NKAIN2: variants seen among roughly 807,000 people sequenced by gnomAD.
NKAIN2 encodes sodium/potassium transporting ATPase interacting 2.
In NKAIN2, 14 loss-of-function variants were observed where a neutral mutation model predicts 32.6. That is an observed-to-expected ratio of 0.43 (90% CI 0.28 to 0.67). NKAIN2 has a LOEUF of 0.67. NKAIN2 is among the 30% of genes least tolerant of loss of function. NKAIN2 has a pLI of 0.17. For missense variants in NKAIN2, 198 were observed against 258.3 expected (o/e 0.77, Z 1.60); for synonymous variants, 80 against 87.2 (o/e 0.92, Z 0.46).
chr6:124,072,509 A>T (rs1783508682), intron 1 of NKAIN2, among the ~76,000 whole-genome samples: 1 of 152,146 alleles, frequency 6.6e-6, no homozygotes, highest in Non-Finnish European at 1.5e-5. Flanking sequence ...TAAAAAGAAA[A>T]GAAATTTCAT....
intron 1 of NKAIN2, among the ~76,000 whole-genome samples, chr6:124,229,563 G>GACAGACAGACAA (rs1472525638): frequency 2.3e-4 from 35 of 151,722 alleles, no homozygotes; most frequent in African/African-American, 8.5e-4. Flanking sequence ...CAGACAGACA[G>GACAGACAGACAA]GGTTTGGCTC....
At chr6:124,814,598 C>G (rs920117960) in intron 5 of NKAIN2, among the ~76,000 whole-genome samples, 1 of 152,126 alleles carries the variant, frequency 6.6e-6, no homozygotes, top group Non-Finnish European at 1.5e-5. Context: ...TCTACCTACA[C>G]AGCATACAGA....
chr6:124,443,036 T>A (rs1457868505), intron 3 of NKAIN2, among the ~76,000 whole-genome samples: 2 of 152,094 alleles, frequency 1.3e-5, no homozygotes, highest in Admixed American at 6.6e-5. Context: ...CTCAGAAGAT[T>A]GTGTAGCCTA....
At chr6:124,263,381 G>A (rs553164358) in intron 1 of NKAIN2, among the ~76,000 whole-genome samples, 60 of 152,252 alleles carry the variant, frequency 3.9e-4, no homozygotes, top group African/African-American at 1.4e-3. Flanking sequence ...CAGGGCATCC[G>A]TAGAAAACGA....
At chr6:124,323,919 C>G (rs1797309887) in intron 2 of NKAIN2, among the ~76,000 whole-genome samples, 1 of 151,740 alleles carries the variant, frequency 6.6e-6, no homozygotes, top group African/African-American at 2.4e-5. Context: ...TCCCGAGGAG[C>G]TGGGACTACA....
intron 4 of NKAIN2, among the ~76,000 whole-genome samples, chr6:124,706,873 G>T (rs866758001): frequency 1.3e-5 from 2 of 151,752 alleles, no homozygotes; most frequent in African/African-American, 4.8e-5. Context: ...TAAGTTTTAG[G>T]GTACATGTAC....
chr6:124,031,912 G>C (rs1005743503), intron 1 of NKAIN2, among the ~76,000 whole-genome samples: 1 of 151,928 alleles, frequency 6.6e-6, no homozygotes. Flanking sequence ...TCCCATTACC[G>C]GGTATATACC....
intron 3 of NKAIN2, among the ~76,000 whole-genome samples, chr6:124,655,377 G>T (rs1351839503): frequency 6.6e-6 from 1 of 151,852 alleles, no homozygotes; most frequent in African/African-American, 2.4e-5. Context: ...TGTTTTAATG[G>T]TATATGTTTG....
At chr6:123,929,376 A>G (rs1220549100) in intron 1 of NKAIN2, among the ~76,000 whole-genome samples, 1 of 152,100 alleles carries the variant, frequency 6.6e-6, no homozygotes, top group Non-Finnish European at 1.5e-5. Context: ...ACAGAGGAGA[A>G]AGAAGATTTG....
intron 1 of NKAIN2, among the ~76,000 whole-genome samples, chr6:124,064,939 C>G (rs1002481368): frequency 1.3e-5 from 2 of 152,184 alleles, no homozygotes; most frequent in East Asian, 3.9e-4. Context: ...TATCTCTGGG[C>G]TTGAATCTGG....
At chr6:124,512,375 AT>A (rs1431438065) in intron 3 of NKAIN2, among the ~76,000 whole-genome samples, 2 of 152,148 alleles carry the variant, frequency 1.3e-5, no homozygotes, top group Non-Finnish European at 2.9e-5. Context: ...AGTAGATGTC[AT>A]TTATGTTTCA....
intron 1 of NKAIN2, among the ~76,000 whole-genome samples, chr6:124,074,220 G>T (rs1783589788): frequency 6.6e-6 from 1 of 152,116 alleles, no homozygotes; most frequent in Admixed American, 6.6e-5. Context: ...AGCGTTCAGG[G>T]TTTTTTAAAT....
intron 2 of NKAIN2, among the ~76,000 whole-genome samples, chr6:124,315,547 T>C (rs1287320943): frequency 6.6e-6 from 1 of 152,144 alleles, no homozygotes; most frequent in Non-Finnish European, 1.5e-5. Context: ...TCTTTTCTAG[T>C]TTCTAGAGAA....
chr6:124,245,685 C>A (rs758323590), intron 1 of NKAIN2, among the ~76,000 whole-genome samples: 1 of 151,984 alleles, frequency 6.6e-6, no homozygotes, highest in African/African-American at 2.4e-5. Context: ...AGGAGTTGGA[C>A]GAACATTCTA....
At chr6:124,637,737 A>G (rs533655759) in intron 3 of NKAIN2, among the ~76,000 whole-genome samples, 4 of 152,220 alleles carry the variant, frequency 2.6e-5, no homozygotes, top group African/African-American at 9.6e-5. Flanking sequence ...TGAAACAGTA[A>G]AACACCGATT....
intron 3 of NKAIN2, among the ~76,000 whole-genome samples, chr6:124,474,118 A>C (rs75179587): frequency 1.5e-5 from 2 of 135,440 alleles, no homozygotes; most frequent in Non-Finnish European, 3.2e-5. Context: ...TTTTTTTTTT[A>C]AGAGACAGGT....
intron 3 of NKAIN2, among the ~76,000 whole-genome samples, chr6:124,420,844 A>C (rs1375721243): frequency 6.6e-6 from 1 of 152,042 alleles, no homozygotes; most frequent in African/African-American, 2.4e-5. Flanking sequence ...TTTAATACTC[A>C]GGATAAAATT....
chr6:124,221,833 T>C (rs1291115869), intron 1 of NKAIN2, among the ~76,000 whole-genome samples: 2 of 152,198 alleles, frequency 1.3e-5, no homozygotes, highest in Non-Finnish European at 2.9e-5. Flanking sequence ...ACTATACTTA[T>C]TTAAAATTCA....
chr6:124,267,539 G>A (rs149278866), intron 1 of NKAIN2, among the ~76,000 whole-genome samples: 331 of 150,558 alleles, frequency 2.2e-3, no homozygotes, highest in African/African-American at 7.7e-3. Context: ...CACAAATTAT[G>A]GTCTACAGAA....
Sources: allele counts gnomAD v4.1 joint callset (sites outside exome capture counted in the v4.1 genomes callset), GRCh38; gene constraint gnomAD v4.1.1; transcripts MANE v1.5; gene names NCBI Gene and HGNC (gene_info 2026-07-23, HGNC 2026-07-21).